The following ARMC7 variants were observed in gnomAD, a reference collection of about 807,000 sequenced individuals.
ARMC7 encodes armadillo repeat-containing protein 7.
In ARMC7, 9 loss-of-function variants were observed where a neutral mutation model predicts 14.8. The ratio of observed to expected loss-of-function variants is 0.61; its 90% CI spans 0.37 to 1.06. The LOEUF (loss-of-function observed/expected upper bound fraction) is 1.06, where lower values mean the gene tolerates loss of function less well. ARMC7 is among the 50% of genes least tolerant of loss of function. The pLI is 0.01. For missense variants in ARMC7, 262 were observed against 267.1 expected, an observed-to-expected ratio of 0.98 and a Z score of 0.13; for synonymous variants, 125 against 123.4, an observed-to-expected ratio of 1.01 and a Z score of -0.09.
rs1345734653 is a variant in ARMC7 at position 75,128,950 on chromosome 17, C to G, written c.509C>G (p.Pro170Arg). Reference sequence around the variant, plus strand: ...ATCTTCCTGGAGGACTTCTGCTCCCCCCGCCAGGTGGCCGAGGCCCGCAGC... The same window carrying G: ...ATCTTCCTGGAGGACTTCTGCTCCCGCCGCCAGGTGGCCGAGGCCCGCAGC... ...AQIFLEDFCS[P>R]RQVAEARSRQ... The change falls in exon 3 of 3, where the codon CCC (proline) becomes CGC (arginine). Residue 170 changes from proline (P) to arginine (R), a missense_variant. Transcript: ENST00000245543. 2.5e-6 allele frequency: 4 copies of G among 1,605,702 alleles called. No individual in the cohort carries two copies. In the East Asian group the frequency reaches 6.7e-5, roughly 27 times the overall value.
chr17:75,128,883 T>G lies in ARMC7; in HGVS notation c.442T>G (p.Phe148Val). ...GCCCGTGGTGCAGTGCATGCTTCGC[T>G]TCTCCCTCTCGGCCAGCGCCAGGCT... is the stretch of plus-strand genomic sequence containing the variant. ...ATPVVQCMLRFSLSASARLRN... is the reference protein window; with the variant it reads ...ATPVVQCMLRVSLSASARLRN... The change falls in exon 3 of 3, where the codon TTC becomes GTC. Residue 148 changes from phenylalanine (F) to valine (V), a missense_variant. Coordinates refer to ENST00000245543, the MANE Select transcript of ARMC7 (RefSeq NM_024585.4). 1 of 1,611,938 alleles carries G rather than the reference T, an allele frequency of 6.2e-7. No individual in the cohort carries two copies. The highest frequency in any genetic ancestry group is 1.1e-5 in the South Asian group (1 of 91,056).
chr17:75,115,884 T>C (rs2073969574), intron 2 of ARMC7, among the ~76,000 whole-genome samples: 1 of 152,134 alleles, frequency 6.6e-6, no homozygotes, highest in African/African-American at 2.4e-5. Flanking sequence ...CAGTGCTCTT[T>C]TAGGGTTAGT....
rs142697875 is a variant in ARMC7 at position 75,128,857 on chromosome 17, C to T, written c.416C>T (p.Thr139Met). 1.1e-4 allele frequency: 177 copies of T among 1,612,826 alleles called. No homozygotes were observed. Among genetic ancestry groups the T allele is most frequent in the East Asian group, 2.5e-4 (11 of 44,876 alleles). ...GRSFLPELTATPVVQCMLRFS... is the reference protein window; with the variant it reads ...GRSFLPELTAMPVVQCMLRFS... Reference sequence around the variant, plus strand: ...AGCTTTCTCCCAGAGCTGACCGCCACGCCCGTGGTGCAGTGCATGCTTCGC... The same window carrying T: ...AGCTTTCTCCCAGAGCTGACCGCCATGCCCGTGGTGCAGTGCATGCTTCGC... The change falls in exon 3 of 3, where the codon ACG becomes ATG. Residue 139 changes from threonine (T) to methionine (M), a missense_variant. Transcript: ENST00000245543.
chr17:75,129,049 C>A lies in ARMC7; in HGVS notation c.*11C>A. 6.3e-7 allele frequency: 1 copy of A among 1,583,572 alleles called. No individual in the cohort carries two copies. Among genetic ancestry groups the A allele is most frequent in the Non-Finnish European group, 8.5e-7 (1 of 1,170,392 alleles). On this transcript the variant is annotated 3_prime_UTR_variant, in exon 3 of 3. Transcript: ENST00000245543. ...CCACGGCAGCGCTGATCCATGGAGA[C>A]TGCGAGACCGTGGCACCCCTACTGC...
At chr17:75,116,004 G>T (rs2073970471) in intron 2 of ARMC7, among the ~76,000 whole-genome samples, 1 of 152,146 alleles carries the variant, frequency 6.6e-6, no homozygotes, top group Non-Finnish European at 1.5e-5. Context: ...GTGCGGGATG[G>T]GATAACGTCC....
intron 2 of ARMC7, among the ~76,000 whole-genome samples, chr17:75,121,911 G>A (rs987629776): frequency 2.0e-5 from 3 of 152,154 alleles, no homozygotes; most frequent in Non-Finnish European, 4.4e-5. Flanking sequence ...AGTTCTTGAT[G>A]TGTTCTGGAT....
intron 2 of ARMC7, among the ~76,000 whole-genome samples, chr17:75,117,366 T>C (rs535404212): frequency 2.6e-5 from 4 of 152,280 alleles, no homozygotes; most frequent in East Asian, 3.9e-4. Flanking sequence ...CGTGAGCCAC[T>C]GTGCCCAGCC....
At chr17:75,123,927 G>A (rs1291887887) in intron 2 of ARMC7, among the ~76,000 whole-genome samples, 4 of 152,076 alleles carry the variant, frequency 2.6e-5, no homozygotes, top group Non-Finnish European at 5.9e-5. Flanking sequence ...AAAAAGTACT[G>A]TATACTGTTT....
Position 75,129,365 on chromosome 17 carries a change from T to G in ARMC7, c.*327T>G. 2 of 392,596 alleles carry G rather than the reference T, an allele frequency of 5.1e-6. No homozygotes were observed. The highest frequency in any genetic ancestry group is 4.6e-5 in the East Asian group (1 of 21,696). 24.3% of individuals were successfully genotyped at this position (392,596 alleles called of 1,614,324 possible). On this transcript the variant is annotated 3_prime_UTR_variant, in exon 3 of 3. Transcript: ENST00000245543. ...GACCCAGAGGCTTTGCAGGACAGTGTTCTCAGGAGCTGGGCCTGAGGCTTA... is the reference window on the plus strand; with the variant it reads ...GACCCAGAGGCTTTGCAGGACAGTGGTCTCAGGAGCTGGGCCTGAGGCTTA...
intron 2 of ARMC7, among the ~76,000 whole-genome samples, chr17:75,124,859 G>T (rs952051853): frequency 6.6e-6 from 1 of 152,244 alleles, no homozygotes; most frequent in African/African-American, 2.4e-5. Context: ...CATGTGTCCA[G>T]TGCGTGCTCA....
In ARMC7 at chr17:75,129,679, C is replaced by T. The variant is rs4412997; in HGVS notation, c.*641C>T. The T allele has an allele frequency of 0.037, 5,683 of 152,578 alleles. 157 individuals are homozygous for T. The highest frequency in any genetic ancestry group is 0.053 in the Non-Finnish European group (3,652 of 68,278). 9.5% of individuals were successfully genotyped at this position (152,578 alleles called of 1,614,324 possible). On this transcript the variant is annotated 3_prime_UTR_variant, in exon 3 of 3. Coordinates refer to ENST00000245543, the MANE Select transcript of ARMC7 (RefSeq NM_024585.4). Reference sequence around the variant, plus strand: ...CCAAGATGAAGATGTGGTCCCTGCCCTTGAGTGACAGCCCAGGGACTTAAT... The same window carrying T: ...CCAAGATGAAGATGTGGTCCCTGCCTTTGAGTGACAGCCCAGGGACTTAAT...
At chr17:75,127,579 C>T (rs1022624540) in intron 2 of ARMC7, among the ~76,000 whole-genome samples, 4 of 151,928 alleles carry the variant, frequency 2.6e-5, no homozygotes, top group Admixed American at 6.6e-5. Context: ...GGATTATAGG[C>T]GTGAGCCACC....
chr17:75,111,832 C>G (rs1464839076), intron 2 of ARMC7, among the ~76,000 whole-genome samples: 1 of 151,416 alleles, frequency 6.6e-6, no homozygotes, highest in Non-Finnish European at 1.5e-5. Flanking sequence ...TTGTTATGAT[C>G]TTAAGACCTA....
chr17:75,123,192 T>A (rs2074026244), intron 2 of ARMC7, among the ~76,000 whole-genome samples: 1 of 145,028 alleles, frequency 6.9e-6, no homozygotes, highest in Non-Finnish European at 1.5e-5. Flanking sequence ...GGACACACCA[T>A]CAGGCCCAGC....
rs766956073 is a variant in ARMC7 at position 75,128,812 on chromosome 17, A to G, written c.371A>G (p.His124Arg). Residue 124 changes from histidine to arginine, a missense_variant, in exon 3 of 3, where the codon CAC (histidine) becomes CGC (arginine). By Grantham distance (29) the His-to-Arg change is conservative. Transcript: ENST00000245543. ...CTGTCTGCCATCACCACGCTCATGC[A>G]CCTGAGCCCGCCGGGCCGCAGCTTT... ...TVLSAITTLM[H>R]LSPPGRSFLP... 2 of 1,613,046 alleles carry G rather than the reference A, an allele frequency of 1.2e-6. No homozygotes were observed. Among genetic ancestry groups the G allele is most frequent in the South Asian group, 2.2e-5 (2 of 91,070 alleles).
intron 2 of ARMC7, among the ~76,000 whole-genome samples, chr17:75,110,953 C>CAAAA (rs537195116): frequency 2.0e-4 from 10 of 49,790 alleles, no homozygotes; most frequent in African/African-American, 5.1e-4. Flanking sequence ...GACCCCGTCT[C>CAAAA]AAAAAAAAAA....
intron 2 of ARMC7, among the ~76,000 whole-genome samples, chr17:75,119,660 C>T (rs543883423): frequency 6.6e-6 from 1 of 151,180 alleles, no homozygotes; most frequent in East Asian, 2.0e-4. Context: ...CAGGGTTTCA[C>T]CGTGTTAGCC....
Position 75,115,433 on chromosome 17 carries a change from G to A in ARMC7, c.235+4827G>A, listed in dbSNP as rs146704668. Among the ~76,000 whole-genome samples, 483 of 152,198 alleles carry A rather than the reference G, an allele frequency of 3.2e-3. 11 individuals carry two copies. Among genetic ancestry groups the A allele is most frequent in the Admixed American group, 0.027 (417 of 15,268 alleles). On this transcript the variant is annotated intron_variant, in intron 2 of 2. Transcript: ENST00000245543. ...CGCACACCTGTAGTCCCAGCTACTCGGAGGCTGAGGCAGAAGAGTTGCTTG... is the reference window on the plus strand; with the variant it reads ...CGCACACCTGTAGTCCCAGCTACTCAGAGGCTGAGGCAGAAGAGTTGCTTG...
At chr17:75,112,911 G>A (rs570180178) in intron 2 of ARMC7, among the ~76,000 whole-genome samples, 83 of 151,792 alleles carry the variant, frequency 5.5e-4, no homozygotes, top group African/African-American at 1.0e-3. Context: ...TCCCCCTTCC[G>A]GTTTGTCTCA....
Sources: allele counts gnomAD v4.1 joint callset (sites outside exome capture counted in the v4.1 genomes callset), GRCh38; gene constraint gnomAD v4.1.1; transcripts MANE v1.5; gene names NCBI Gene and HGNC (gene_info 2026-07-23, HGNC 2026-07-21).